CDH23: variants seen among roughly 807,000 people sequenced by gnomAD.
CDH23 encodes cadherin related 23.
Under a neutral mutation model 317.1 loss-of-function variants are expected in CDH23, and 189 were observed. The ratio of observed to expected loss-of-function variants is 0.60; its 90% confidence interval spans 0.53 to 0.67. CDH23 has a LOEUF of 0.67. Among genes scored for constraint, CDH23 ranks in the 30% least tolerant of loss-of-function variants. The pLI is 0.00. For synonymous variants in CDH23, 1,839 were observed against 1,876.8 expected (o/e 0.98, Z 0.52); for missense variants, 4,401 against 4,592.4 (o/e 0.96, Z 1.20).
At chr10:71,640,979 C>A (rs965619898) in intron 11 of CDH23, among the ~76,000 whole-genome samples, 1 of 152,146 alleles carries the variant, frequency 6.6e-6, no homozygotes, top group African/African-American at 2.4e-5. Context: ...TTATAGAATG[C>A]GGATGCCTAT....
intron 3 of CDH23, among the ~76,000 whole-genome samples, chr10:71,446,992 A>G (rs562753986): frequency 1.5e-4 from 23 of 152,230 alleles, no homozygotes; most frequent in Admixed American, 1.4e-3. Context: ...GCTGATGGGG[A>G]GGCACCTGTG....
intron 30 of CDH23, among the ~76,000 whole-genome samples, chr10:71,729,804 G>C (rs1839300218): frequency 6.6e-6 from 1 of 152,022 alleles, no homozygotes; most frequent in South Asian, 2.1e-4. Flanking sequence ...ACAACCTTAG[G>C]AGTGGCATGG....
Position 71,811,391 on chromosome 10 carries a change from C to G in CDH23, c.9154C>G (p.Pro3052Ala). 6.2e-7 allele frequency: 1 copy of G among 1,613,936 alleles called. No individual in the cohort carries two copies. The highest frequency in any genetic ancestry group is 8.5e-7 in the Non-Finnish European group (1 of 1,179,882). The change falls in exon 63 of 70, where the codon CCT becomes GCT. Residue 3052 changes from proline to alanine, a missense_variant. Pro to Ala is a conservative substitution (Grantham distance 27, BLOSUM62 -1). Coordinates refer to ENST00000224721, the MANE Select transcript of CDH23 (RefSeq NM_022124.6). The stretch of plus-strand genomic sequence containing the variant: ...GAACTACAACGTCCTGGACGTGCAG[C>G]CTGCCATCTCTGTCCGGCTGCCGGA... ...FRNYNVLDVQ[P>A]AISVRLPDDM...
chr10:71,666,701 G>A (rs1863913126), intron 14 of CDH23, among the ~76,000 whole-genome samples: 1 of 152,148 alleles, frequency 6.6e-6, no homozygotes, highest in Non-Finnish European at 1.5e-5. Context: ...ACAGCACTAT[G>A]GGAGGGAAGG....
chr10:71,645,785 G>A (rs1250573871), intron 12 of CDH23, 46 bp from the exon 13 acceptor site: 14 of 1,601,208 alleles, frequency 8.7e-6, no homozygotes, highest in Non-Finnish European at 1.1e-5. Context: ...CTAGGCTTTG[G>A]CCACTGTGCC....
At chr10:71,519,144 C>T (rs1854510917) in intron 6 of CDH23, among the ~76,000 whole-genome samples, 1 of 152,242 alleles carries the variant, frequency 6.6e-6, no homozygotes. Context: ...GCGGGACCCT[C>T]TGCCATGAAT....
At chr10:71,642,511 G>C (rs1258057386) in intron 11 of CDH23, among the ~76,000 whole-genome samples, 1 of 145,668 alleles carries the variant, frequency 6.9e-6, no homozygotes, top group Admixed American at 7.2e-5. Flanking sequence ...CAATTCTCCT[G>C]TCTCAGCCTC....
chr10:71,594,223 G>A (rs1228354452), intron 9 of CDH23, among the ~76,000 whole-genome samples: 1 of 152,140 alleles, frequency 6.6e-6, no homozygotes, highest in Admixed American at 6.5e-5. Flanking sequence ...TCATTAGCAG[G>A]ACTGTAGTAT....
intron 9 of CDH23, among the ~76,000 whole-genome samples, chr10:71,603,633 G>A (rs373535423): frequency 3.7e-4 from 56 of 152,314 alleles, no homozygotes; most frequent in African/African-American, 1.3e-3. Context: ...TCCTTTTCCT[G>A]CTCTCCTTTT....
In CDH23 at chr10:71,803,786, A is replaced by G. The variant is rs760105982; in HGVS notation, c.7872+366A>G. Reference sequence around the variant, plus strand: ...GGAGTTCGAGACCAGCCTGGCCAACATAGTGAAACCCGATCTCTACTAAAA... The same window carrying G: ...GGAGTTCGAGACCAGCCTGGCCAACGTAGTGAAACCCGATCTCTACTAAAA... On this transcript the variant is annotated intron_variant, in intron 55 of 69. Transcript: ENST00000224721. 1.9e-4 allele frequency among the ~76,000 whole-genome samples: 28 copies of G among 147,748 alleles called. 1 individual carries two copies. The Middle Eastern group carries it at 0.034, about 182-fold the overall frequency.
intron 18 of CDH23, among the ~76,000 whole-genome samples, chr10:71,684,502 C>T (rs1239726772): frequency 6.6e-6 from 1 of 152,202 alleles, no homozygotes; most frequent in African/African-American, 2.4e-5. Flanking sequence ...TGTGGAGGCA[C>T]ATGGGTTTGA....
Position 71,812,471 on chromosome 10 carries a change from C to A in CDH23, c.9381-9C>A. On this transcript the variant is annotated splice_polypyrimidine_tract_variant and intron_variant, in intron 66 of 69. Coordinates refer to ENST00000224721, the MANE Select transcript of CDH23 (RefSeq NM_022124.6). The stretch of plus-strand genomic sequence containing the variant: ...CTCCCTCCCCACCCTTTTCCCTCCC[C>A]AACTGCAGAGCCAACCCTGTGTGGC... 3.1e-6 allele frequency: 5 copies of A among 1,613,728 alleles called. No individual in the cohort carries two copies. The highest frequency in any genetic ancestry group is 4.2e-6 in the Non-Finnish European group (5 of 1,179,868).
At chr10:71,534,275 C>A (rs189198591) in intron 6 of CDH23, among the ~76,000 whole-genome samples, 2 of 152,134 alleles carry the variant, frequency 1.3e-5, no homozygotes, top group Admixed American at 6.5e-5. Flanking sequence ...AACTAGCCCA[C>A]GGAACAGGCC....
chr10:71,589,479 C>G (rs1257357977), intron 9 of CDH23, among the ~76,000 whole-genome samples: 1 of 152,156 alleles, frequency 6.6e-6, no homozygotes, highest in East Asian at 1.9e-4. Context: ...TTTCTTTTAG[C>G]CAAAATATCA....
intron 30 of CDH23, among the ~76,000 whole-genome samples, chr10:71,729,308 G>C (rs1187478030): frequency 1.3e-5 from 2 of 152,242 alleles, no homozygotes; most frequent in African/African-American, 2.4e-5. Flanking sequence ...GGATTGGTGT[G>C]AAAGTAATGT....
intron 3 of CDH23, among the ~76,000 whole-genome samples, chr10:71,480,676 C>T (rs1034143183): frequency 1.3e-5 from 2 of 152,176 alleles, no homozygotes; most frequent in African/African-American, 2.4e-5. Context: ...CCAGGAGCCA[C>T]TGCTGGGGCT....
intron 28 of CDH23, chr10:71,719,643 AGCCGTCCG>A (rs1437945516): frequency 6.6e-6 from 1 of 152,670 alleles, no homozygotes; most frequent in Non-Finnish European, 1.5e-5. Flanking sequence ...GCCAGACCCC[AGCCGTCCG>A]GAGCTCCGTG....
chr10:71,794,123 T>C (rs1229968483), intron 48 of CDH23, among the ~76,000 whole-genome samples: 1 of 152,150 alleles, frequency 6.6e-6, no homozygotes, highest in African/African-American at 2.4e-5. Flanking sequence ...TGCCTCAGCC[T>C]CCCGAGTAGC....
chr10:71,584,547 T>C (rs1260949836), intron 9 of CDH23, among the ~76,000 whole-genome samples: 2 of 128,044 alleles, frequency 1.6e-5, no homozygotes, highest in African/African-American at 5.3e-5. Flanking sequence ...GAAGTCTGTG[T>C]GTGTGTGTGT....
Sources: gnomAD v4.1 joint callset for allele counts (sites outside exome capture counted in the v4.1 genomes callset) on GRCh38, gnomAD v4.1.1 for gene constraint, MANE v1.5 for transcripts, NCBI Gene and HGNC (gene_info 2026-07-23, HGNC 2026-07-21) for gene names.